Variants in ZBTB25 observed in about 807,000 individuals in gnomAD.
The protein encoded by ZBTB25 is zinc finger and BTB domain-containing protein 25.
Under a neutral mutation model 34.2 loss-of-function variants are expected in ZBTB25, and 20 were observed. The ratio of observed to expected loss-of-function variants is 0.58; its 90% CI spans 0.41 to 0.85. The LOEUF is 0.85. Among genes scored for constraint, ZBTB25 ranks in the 40% least tolerant of loss-of-function variants. The pLI, the probability that ZBTB25 is intolerant of heterozygous loss-of-function variation, is 0.00. For missense variants in ZBTB25, 437 were observed against 521.8 expected, an observed-to-expected ratio of 0.84 and a Z score of 1.58; for synonymous variants, 175 against 186.4, an observed-to-expected ratio of 0.94 and a Z score of 0.50.
At chr14:64,452,241 G>A (rs1184716400) in intron 2 of ZBTB25, among the ~76,000 whole-genome samples, 1 of 152,242 alleles carries the variant, frequency 6.6e-6, no homozygotes, top group East Asian at 1.9e-4. Flanking sequence ...GTTGCAGTGA[G>A]CTGAGATGAC....
At chr14:64,501,639 G>A (rs1435274466) in intron 1 of ZBTB25, among the ~76,000 whole-genome samples, 1 of 152,194 alleles carries the variant, frequency 6.6e-6, no homozygotes, top group Non-Finnish European at 1.5e-5. Context: ...CCCTGTTATT[G>A]CTAAAATGGA....
At chr14:64,494,407 TG>T (rs2079196059) in intron 1 of ZBTB25, among the ~76,000 whole-genome samples, 2 of 152,014 alleles carry the variant, frequency 1.3e-5, no homozygotes, top group South Asian at 4.2e-4. Context: ...ACAAGGTGAG[TG>T]GACCACTTGA....
intron 1 of ZBTB25, chr14:64,503,292 A>AG (rs2079559031): frequency 1.0e-6 from 1 of 985,350 alleles, no homozygotes; most frequent in African/African-American, 1.7e-5. Context: ...CGCTCGTAAG[A>AG]GGGGTCGGCG....
chr14:64,499,953 C>T (rs887563352), intron 1 of ZBTB25, among the ~76,000 whole-genome samples: 2 of 152,168 alleles, frequency 1.3e-5, no homozygotes, highest in African/African-American at 4.8e-5. Flanking sequence ...GCAGACATAG[C>T]CAACCTCCAA....
At chr14:64,469,361 A>G (rs1228172499) in intron 2 of ZBTB25, 2 of 1,613,984 alleles carry the variant, frequency 1.2e-6, no homozygotes, top group Non-Finnish European at 1.7e-6. Flanking sequence ...AAATGGGATC[A>G]CTGAAGAGAA....
chr14:64,498,620 A>G (rs867628358), intron 1 of ZBTB25, among the ~76,000 whole-genome samples: 1 of 139,444 alleles, frequency 7.2e-6, no homozygotes, highest in Non-Finnish European at 1.6e-5. Context: ...CAGATTGTTT[A>G]TTTGTTTATT....
rs2141016384 is a variant in ZBTB25 at position 64,483,280 on chromosome 14, G to A, written c.*3643C>T. On this transcript the variant is annotated 3_prime_UTR_variant, in exon 3 of 3. Coordinates refer to ENST00000608382, the MANE Select transcript of ZBTB25 (RefSeq NM_006977.5). ...CAAAAAATAAAGGTTTTAGCTGGAA[G>A]AACTTTTTTTTTTTTGAGATGGAGT... is the stretch of plus-strand genomic sequence containing the variant. 1 of 152,188 alleles carries A rather than the reference G, an allele frequency of 6.6e-6. No homozygotes were observed. Among genetic ancestry groups the A allele is most frequent in the African/African-American group, 2.4e-5 (1 of 41,390 alleles). The allele number at this position is 152,188 out of a possible 1,614,324, so 9.4% of individuals were successfully genotyped here. A position where few individuals can be genotyped will look rare whatever the true frequency, so the allele number is the denominator to read the frequency against.
At chr14:64,462,667 C>T (rs1432464327) in intron 2 of ZBTB25, 1 of 152,194 alleles carries the variant, frequency 6.6e-6, no homozygotes, top group East Asian at 1.9e-4. Context: ...GATGTACACA[C>T]AGTCTTAATT....
intron 2 of ZBTB25, chr14:64,468,436 TGAGAA>T: frequency 6.2e-7 from 1 of 1,613,118 alleles, no homozygotes; most frequent in Non-Finnish European, 8.5e-7. Flanking sequence ...AAAACAAGGA[TGAGAA>T]GAGATCAGCA....
chr14:64,454,963 A>AACTCTGCTCACTT, intron 2 of ZBTB25: 2 of 1,383,588 alleles, frequency 1.4e-6, no homozygotes, highest in Non-Finnish European at 2.1e-6. Flanking sequence ...ATGCCAAGTG[A>AACTCTGCTCACTT]GCAGAGTTCA....
rs1405050456 is a variant in ZBTB25 at position 64,479,221 on chromosome 14, T to G, written c.*7702A>C. 1 of 152,196 alleles carries G rather than the reference T, an allele frequency of 6.6e-6. No individual in the cohort carries two copies. The highest frequency in any genetic ancestry group is 2.1e-4 in the South Asian group (1 of 4,832). 9.4% of individuals were successfully genotyped at this position (152,196 alleles called of 1,614,324 possible). On this transcript the variant is annotated 3_prime_UTR_variant, in exon 3 of 3. Coordinates refer to ENST00000608382, the MANE Select transcript of ZBTB25 (RefSeq NM_006977.5). Reference sequence around the variant, plus strand: ...CCATCACAAAACTTACTTTAAGGTCTCAGAAGGGTTGGTCAACCTCAGCTC... The same window carrying G: ...CCATCACAAAACTTACTTTAAGGTCGCAGAAGGGTTGGTCAACCTCAGCTC...
intron 1 of ZBTB25, 93 bp downstream of exon 1, chr14:64,503,568 G>T (rs1192826725): frequency 1.0e-6 from 1 of 985,916 alleles, no homozygotes; most frequent in Non-Finnish European, 1.2e-6. Flanking sequence ...TCTGTCCCGC[G>T]ACTGGTGCAG....
At chr14:64,475,471 TA>T (rs200214821), downstream of ZBTB25, among the ~76,000 whole-genome samples, 941 of 144,192 alleles carry the variant, frequency 6.5e-3, 7 homozygotes, top group African/African-American at 0.012. Flanking sequence ...CTTCTTGGTT[TA>T]AAAAAAAAAA....
chr14:64,497,315 T>C (rs1266054045), intron 1 of ZBTB25, among the ~76,000 whole-genome samples: 5 of 152,242 alleles, frequency 3.3e-5, no homozygotes, highest in African/African-American at 1.2e-4. Context: ...CAACCTACTC[T>C]GCAAATTATT....
At chr14:64,494,581 T>TGA (rs1262552027) in intron 1 of ZBTB25, among the ~76,000 whole-genome samples, 2 of 151,996 alleles carry the variant, frequency 1.3e-5, no homozygotes, top group Non-Finnish European at 2.9e-5. Context: ...TGCAGTGAGC[T>TGA]GAGATCCACT....
intron 2 of ZBTB25, chr14:64,468,937 T>A (rs750092986): frequency 6.2e-7 from 1 of 1,614,098 alleles, no homozygotes; most frequent in South Asian, 1.1e-5. Context: ...CAACCCAGGA[T>A]CTAAGTGAAG....
chr14:64,462,093 T>C (rs944555417), intron 2 of ZBTB25: 2 of 152,254 alleles, frequency 1.3e-5, no homozygotes, highest in Admixed American at 6.5e-5. Context: ...GGGCTGGGCA[T>C]GGTAGCTCAC....
At position 64,492,898 on chromosome 14, in the gene ZBTB25, T is replaced by A. The variant is rs544658588; in HGVS notation, c.-7-2358A>T. 1.1e-4 allele frequency among the ~76,000 whole-genome samples: 16 copies of A among 152,088 alleles called. No individual in the cohort carries two copies. The South Asian group carries it at 3.1e-3, about 30-fold the overall frequency. On this transcript the variant is annotated intron_variant, in intron 1 of 2. Transcript: ENST00000608382. The stretch of plus-strand genomic sequence containing the variant: ...CAAGATTACAGGCTCACAGGAAAGA[T>A]AAAACATCAAACCATAATTATAATA...
chr14:64,477,482 C>G (rs1375027306), downstream of ZBTB25, among the ~76,000 whole-genome samples: 2 of 152,164 alleles, frequency 1.3e-5, no homozygotes, highest in African/African-American at 2.4e-5. Flanking sequence ...CACCACCAGA[C>G]AGCACACATG....
Sources: gnomAD v4.1 joint callset for allele counts (sites outside exome capture counted in the v4.1 genomes callset) on GRCh38, gnomAD v4.1.1 for gene constraint, MANE v1.5 for transcripts, NCBI Gene and HGNC (gene_info 2026-07-23, HGNC 2026-07-21) for gene names.